UCHL5: variants seen among roughly 807,000 people sequenced by gnomAD.
UCHL5 encodes the protein ubiquitin carboxyl-terminal hydrolase isozyme L5.
Under a neutral mutation model 53.8 loss-of-function variants are expected in UCHL5, and 34 were observed. That is an observed-to-expected ratio of 0.63 (90% CI 0.48 to 0.84). The LOEUF is 0.84. Among genes scored for constraint, UCHL5 ranks in the 40% least tolerant of loss-of-function variants. The probability of loss-of-function intolerance (pLI) is 0.00; values close to 1 mark genes in which losing one functional copy is unlikely to be tolerated. For missense variants in UCHL5, 290 were observed against 385.6 expected, an observed-to-expected ratio of 0.75 and a Z score of 2.08; for synonymous variants, 111 against 126.3, an observed-to-expected ratio of 0.88 and a Z score of 0.81.
chr1:193,058,786 A>G (rs1671700095), intron 1 of UCHL5, among the ~76,000 whole-genome samples: 1 of 152,246 alleles, frequency 6.6e-6, no homozygotes, highest in Non-Finnish European at 1.5e-5. Context: ...TGGCTTCTGC[A>G]GGACTAATGG....
Position 193,049,846 on chromosome 1 carries a change from A to G in UCHL5, c.146T>C (p.Val49Ala). Residue 49 changes from valine (V) to alanine (A), a missense_variant, in exon 3 of 11, where the codon GTT becomes GCT. Transcript: ENST00000367454. ...CTTGAAAAGAAAAATTAACCCATGA[A>G]CTGGCCTACAAAATAAAATACAAAT... ...EPENFEKLKP[V>A]HGLIFLFKWQ... The G allele has an allele frequency of 6.2e-7, 1 of 1,607,802 alleles. No individual in the cohort carries two copies. Among genetic ancestry groups the G allele is most frequent in the Non-Finnish European group, 8.5e-7 (1 of 1,176,016 alleles).
At chr1:193,041,289 T>A (rs11576918) in intron 3 of UCHL5, among the ~76,000 whole-genome samples, 53,192 of 151,754 alleles carry the variant, frequency 0.35, 11,073 homozygotes, top group South Asian at 0.52. Context: ...AAATTTTTTT[T>A]AAAAAAAGCA....
At chr1:193,059,950 G>C (rs1672352830), upstream of UCHL5, 2 of 1,366,408 alleles carry the variant, frequency 1.5e-6, no homozygotes, top group Non-Finnish European at 2.0e-6. The surrounding 1 kb of genome is among the most constrained non-coding windows in gnomAD (Gnocchi z 4.9). Context: ...CCTGGGTAAC[G>C]GAACCAGCAT....
chr1:193,049,083 A>G (rs1459670779), intron 3 of UCHL5, among the ~76,000 whole-genome samples: 1 of 152,058 alleles, frequency 6.6e-6, no homozygotes, highest in East Asian at 1.9e-4. Flanking sequence ...TGTTTTATAG[A>G]GACGGGTCTC....
At position 193,059,245 on chromosome 1, in the gene UCHL5, C is replaced by T. The variant is rs2102984095; in HGVS notation, c.16G>A (p.Gly6Arg). 1.2e-6 allele frequency: 2 copies of T among 1,614,116 alleles called. No homozygotes were observed. The highest frequency in any genetic ancestry group is 1.1e-5 in the South Asian group (1 of 91,076). ...TCGCTTTCCATGAGGCACCACTCCC[C>T]GGCATTGCCCGTCATGGCCCTGGCC... The part of the protein sequence containing the change: MTGNA[G>R]EWCLMESDPG... The change falls in exon 1 of 11, where the codon GGG (glycine) becomes AGG (arginine). Residue 6 changes from glycine to arginine, a missense_variant. Gly to Arg is a moderately radical substitution (Grantham distance 125, BLOSUM62 -2). Transcript: ENST00000367454. This position sits in a 1 kb window ranked among gnomAD's most constrained non-coding sequence, Gnocchi z 4.9.
chr1:193,032,120 C>G (rs543855816), intron 3 of UCHL5, among the ~76,000 whole-genome samples: 1 of 152,234 alleles, frequency 6.6e-6, no homozygotes, highest in African/African-American at 2.4e-5. Context: ...TGATGACAAC[C>G]TGATACTGAA....
intron 2 of UCHL5, among the ~76,000 whole-genome samples, chr1:193,050,755 G>T (rs901832261): frequency 4.0e-5 from 5 of 125,370 alleles, no homozygotes; most frequent in Admixed American, 1.6e-4. Context: ...AAAAGAAAAA[G>T]AAAAAAAAAA....
chr1:193,053,236 A>C (rs1411456410), intron 1 of UCHL5, among the ~76,000 whole-genome samples: 2 of 152,252 alleles, frequency 1.3e-5, no homozygotes. Flanking sequence ...AGTGTCAAGA[A>C]GGGCATGGAA....
At chr1:193,042,744 C>G (rs1666010004) in intron 3 of UCHL5, among the ~76,000 whole-genome samples, 1 of 152,166 alleles carries the variant, frequency 6.6e-6, no homozygotes, top group Non-Finnish European at 1.5e-5. Context: ...TGACACTCTT[C>G]TTAGAACACT....
At position 193,050,671 on chromosome 1, in the gene UCHL5, G is replaced by A. The variant is rs149440610; in HGVS notation, c.141-820C>T. 1.7e-3 allele frequency among the ~76,000 whole-genome samples: 261 copies of A among 152,104 alleles called. 6 individuals are homozygous for A. In the East Asian group the frequency reaches 0.038, roughly 22 times the overall value. On this transcript the variant is annotated intron_variant, in intron 2 of 10. Transcript: ENST00000367454. Reference sequence around the variant, plus strand: ...TGAGGCAGAAAAATCACTTGTACCCGGGAGGCAGAGACTGCAGTGAGCCGA... The same window carrying A: ...TGAGGCAGAAAAATCACTTGTACCCAGGAGGCAGAGACTGCAGTGAGCCGA...
At position 193,013,988 on chromosome 1, in the gene UCHL5, G is replaced by T. The variant is rs1654535227; in HGVS notation, c.*2363C>A. 1 of 151,946 alleles carries T rather than the reference G, an allele frequency of 6.6e-6. No homozygotes were observed. The highest frequency in any genetic ancestry group is 6.6e-5 in the Admixed American group (1 of 15,226). The allele number at this position is 151,946 out of a possible 1,614,324, so 9.4% of individuals were successfully genotyped here. On this transcript the variant is annotated 3_prime_UTR_variant, in exon 11 of 11. Coordinates refer to ENST00000367454, the MANE Select transcript of UCHL5 (RefSeq NM_001199261.3). ...GATAATAACAGAAGTACATCCCTTA[G>T]AATTGGCTATTTTGAAGGCTTAAAA...
At chr1:193,022,284 A>T (rs1164802515) in intron 9 of UCHL5, among the ~76,000 whole-genome samples, 1 of 152,158 alleles carries the variant, frequency 6.6e-6, no homozygotes, top group Non-Finnish European at 1.5e-5. Context: ...AGTATGATGC[A>T]AAACACTTTA....
chr1:193,033,595 C>G (rs1457575603), intron 3 of UCHL5, among the ~76,000 whole-genome samples: 1 of 151,704 alleles, frequency 6.6e-6, no homozygotes, highest in African/African-American at 2.4e-5. Context: ...TAAATACATA[C>G]AATTTTAAAT....
chr1:193,018,875 T>G (rs1178069689), intron 10 of UCHL5: 1 of 1,493,336 alleles, frequency 6.7e-7, no homozygotes, highest in Non-Finnish European at 9.0e-7. Context: ...TTCTGAATTC[T>G]ATAGGTAATT....
At chr1:193,052,153 A>T (rs1481831602) in intron 1 of UCHL5, among the ~76,000 whole-genome samples, 1 of 151,598 alleles carries the variant, frequency 6.6e-6, no homozygotes, top group African/African-American at 2.4e-5. Flanking sequence ...TATTATTATT[A>T]TTTTTTCTTA....
At chr1:193,016,428 TAA>T (rs1199321136) in intron 10 of UCHL5, 33 bp from the exon 11 acceptor site, 19 of 1,588,916 alleles carry the variant, frequency 1.2e-5, no homozygotes, top group Non-Finnish European at 1.5e-5. Flanking sequence ...TACAAAATTT[TAA>T]AAGTCAGTTT....
At chr1:193,054,261 A>T (rs897285335) in intron 1 of UCHL5, among the ~76,000 whole-genome samples, 1 of 152,232 alleles carries the variant, frequency 6.6e-6, no homozygotes, top group African/African-American at 2.4e-5. Context: ...ACACTCGTGG[A>T]GTTCTCCCAA....
At chr1:193,056,971 C>A (rs1437512768) in intron 1 of UCHL5, among the ~76,000 whole-genome samples, 2 of 152,176 alleles carry the variant, frequency 1.3e-5, no homozygotes, top group African/African-American at 2.4e-5. Context: ...ATATATCATT[C>A]TTTCATGCAT....
chr1:193,019,975 A>G (rs993701221), intron 10 of UCHL5: 71 of 984,208 alleles, frequency 7.2e-5, no homozygotes, highest in Non-Finnish European at 8.6e-5. Context: ...ATAACATCAT[A>G]TCTAGGTATT....
Sources: allele counts gnomAD v4.1 joint callset (sites outside exome capture counted in the v4.1 genomes callset), GRCh38; gene constraint gnomAD v4.1.1; non-coding constraint Gnocchi (gnomAD v3.1); transcripts MANE v1.5; gene names NCBI Gene and HGNC (gene_info 2026-07-23, HGNC 2026-07-21).